RPS6KC1: variants seen among roughly 807,000 people sequenced by gnomAD.
RPS6KC1 encodes the protein inactive ribosomal protein S6 kinase delta-1.
RPS6KC1 carries 54 observed loss-of-function variants against 103.8 expected under a neutral mutation model. That is an observed-to-expected ratio of 0.52 (90% CI 0.42 to 0.65). The LOEUF is 0.65. Among genes scored for constraint, RPS6KC1 ranks in the 30% least tolerant of loss-of-function variants. The pLI is 0.00. For missense variants in RPS6KC1, 1,151 were observed against 1,253.8 expected, an observed-to-expected ratio of 0.92 and a Z score of 1.24; for synonymous variants, 439 against 438.7, an observed-to-expected ratio of 1.00 and a Z score of -0.01.
At position 213,155,796 on chromosome 1, in the gene RPS6KC1, T is replaced by C. The variant is rs186146224; in HGVS notation, c.836-12062T>C. Among the ~76,000 whole-genome samples, 6 of 152,314 alleles carry C rather than the reference T, an allele frequency of 3.9e-5. No individual in the cohort carries two copies. In the East Asian group the frequency reaches 9.6e-4, roughly 24 times the overall value. On this transcript the variant is annotated intron_variant, in intron 6 of 14. Coordinates refer to ENST00000366960, the MANE Select transcript of RPS6KC1 (RefSeq NM_012424.6). ...GTAGATAGTTGTTAACTTGGTGTTC[T>C]TGTGGGCTTGGGGATGATTGGTGGA...
At chr1:213,402,868 G>A in the RPS6KC1 span, among the ~76,000 whole-genome samples, 1 of 151,470 alleles carries the variant, frequency 6.6e-6, no homozygotes, top group African/African-American at 2.4e-5. Context: ...ACTTTTTTTG[G>A]GTGGGGGAGG....
chr1:213,624,587 G>C, the RPS6KC1 span, among the ~76,000 whole-genome samples: 1 of 152,192 alleles, frequency 6.6e-6, no homozygotes, highest in East Asian at 1.9e-4. Context: ...TGGCTAGTCA[G>C]GGATGTCCAG....
At chr1:213,478,007 A>T in the RPS6KC1 span, among the ~76,000 whole-genome samples, 2 of 152,134 alleles carry the variant, frequency 1.3e-5, no homozygotes, top group Non-Finnish European at 2.9e-5. Context: ...AGCCCTAAAA[A>T]ATCCTCTGCG....
At chr1:213,418,434 G>A in the RPS6KC1 span, among the ~76,000 whole-genome samples, 3 of 152,220 alleles carry the variant, frequency 2.0e-5, no homozygotes, top group East Asian at 1.9e-4. Context: ...AAGGAGAGGC[G>A]TCTGGGTGCT....
At chr1:213,138,297 A>G (rs781339105) in intron 6 of RPS6KC1, among the ~76,000 whole-genome samples, 8 of 151,956 alleles carry the variant, frequency 5.3e-5, no homozygotes, top group Non-Finnish European at 1.2e-4. Flanking sequence ...TTAAAACCAA[A>G]TAGAAGTTTT....
intron 4 of RPS6KC1, 142 bp downstream of exon 4, chr1:213,104,711 C>A: frequency 2.4e-6 from 1 of 409,438 alleles, no homozygotes; most frequent in Non-Finnish European, 4.3e-6. Context: ...ATGTTTATGG[C>A]ATATTTCCTA....
chr1:213,748,165 T>C, the RPS6KC1 span, among the ~76,000 whole-genome samples: 1 of 152,134 alleles, frequency 6.6e-6, no homozygotes, highest in Non-Finnish European at 1.5e-5. Context: ...GAACCCAAAA[T>C]GGAAGAAGTC....
chr1:213,684,693 T>C, the RPS6KC1 span, among the ~76,000 whole-genome samples: 1 of 152,222 alleles, frequency 6.6e-6, no homozygotes, highest in African/African-American at 2.4e-5. Flanking sequence ...CCATACTGAT[T>C]GGCTCAGAGA....
chr1:213,634,452 A>T, the RPS6KC1 span, among the ~76,000 whole-genome samples: 1 of 152,238 alleles, frequency 6.6e-6, no homozygotes, highest in Admixed American at 6.5e-5. Context: ...ACTACATGGA[A>T]ACTGAACAAT....
At chr1:213,158,092 T>C (rs2090100391) in intron 6 of RPS6KC1, among the ~76,000 whole-genome samples, 1 of 152,232 alleles carries the variant, frequency 6.6e-6, no homozygotes, top group Non-Finnish European at 1.5e-5. Context: ...AGTTAGATCC[T>C]GTATAGTTTT....
At chr1:213,848,816 G>A in the RPS6KC1 span, among the ~76,000 whole-genome samples, 3 of 151,890 alleles carry the variant, frequency 2.0e-5, no homozygotes, top group African/African-American at 7.3e-5. Flanking sequence ...ATTTATTTTG[G>A]TATGAGGGAA....
At chr1:213,848,883 C>G in the RPS6KC1 span, among the ~76,000 whole-genome samples, 2 of 151,886 alleles carry the variant, frequency 1.3e-5, no homozygotes, top group African/African-American at 2.4e-5. Context: ...TTTGCATGTT[C>G]AAGGTTTGAG....
the RPS6KC1 span, among the ~76,000 whole-genome samples, chr1:213,428,472 C>CCTTCCTT: frequency 2.9e-5 from 1 of 34,150 alleles, no homozygotes; most frequent in African/African-American, 1.3e-4. Flanking sequence ...TTTCCTCCCT[C>CCTTCCTT]CCTCCCTCCC....
the RPS6KC1 span, among the ~76,000 whole-genome samples, chr1:213,321,013 A>G: frequency 6.6e-6 from 1 of 152,144 alleles, no homozygotes; most frequent in South Asian, 2.1e-4. Context: ...TGAGGTGTTG[A>G]GCAGAAGTCC....
chr1:213,573,176 G>A, the RPS6KC1 span, among the ~76,000 whole-genome samples: 7 of 152,164 alleles, frequency 4.6e-5, no homozygotes, highest in Non-Finnish European at 8.8e-5. Context: ...CTAGGGTTCC[G>A]TCAATAAGAA....
the RPS6KC1 span, among the ~76,000 whole-genome samples, chr1:213,320,995 G>A: frequency 6.6e-6 from 1 of 152,194 alleles, no homozygotes; most frequent in Non-Finnish European, 1.5e-5. Flanking sequence ...GGGGGCTTTG[G>A]ACAAGGGTGA....
the RPS6KC1 span, among the ~76,000 whole-genome samples, chr1:213,363,621 G>T: frequency 3.9e-3 from 335 of 85,912 alleles, 10 homozygotes; most frequent in African/African-American, 7.3e-3. Flanking sequence ...TTGCTTGCTT[G>T]CTTGCTTTCT....
intron 3 of RPS6KC1, among the ~76,000 whole-genome samples, chr1:213,100,887 G>A (rs569528937): frequency 2.0e-4 from 31 of 151,952 alleles, no homozygotes; most frequent in Non-Finnish European, 3.8e-4. Context: ...ATAGCACTAC[G>A]ATAAACATGA....
the RPS6KC1 span, among the ~76,000 whole-genome samples, chr1:213,395,601 G>A: frequency 6.6e-6 from 1 of 150,680 alleles, no homozygotes; most frequent in South Asian, 2.1e-4. Context: ...CAGCATCCCA[G>A]GGGGAAAAAG....
Sources: gnomAD v4.1 joint callset for allele counts (sites outside exome capture counted in the v4.1 genomes callset) on GRCh38, gnomAD v4.1.1 for gene constraint, MANE v1.5 for transcripts, NCBI Gene and HGNC (gene_info 2026-07-23, HGNC 2026-07-21) for gene names.